FHL2: variants seen among roughly 807,000 people sequenced by gnomAD.
FHL2 encodes four and a half LIM domains 2, also known as four and a half LIM domains protein 2.
In FHL2, 20 loss-of-function variants were observed where a neutral mutation model predicts 32.7. The ratio of observed to expected loss-of-function variants is 0.61; its 90% confidence interval spans 0.43 to 0.89. The LOEUF (loss-of-function observed/expected upper bound fraction) is 0.89, where lower values mean the gene tolerates loss of function less well. FHL2 is among the 40% of genes least tolerant of loss of function. The pLI is 0.00. For synonymous variants in FHL2, 123 were observed against 128.1 expected, an observed-to-expected ratio of 0.96 and a Z score of 0.27; for missense variants, 311 against 358.6, an observed-to-expected ratio of 0.87 and a Z score of 1.07.
intron 1 of FHL2, among the ~76,000 whole-genome samples, chr2:105,419,658 C>T (rs553119913): frequency 6.6e-6 from 1 of 152,108 alleles, no homozygotes; most frequent in Non-Finnish European, 1.5e-5. Context: ...TTGCTTTTTG[C>T]TTGTTTTGTT....
intron 3 of FHL2, among the ~76,000 whole-genome samples, chr2:105,384,876 C>G (rs926027223): frequency 6.6e-6 from 1 of 152,170 alleles, no homozygotes; most frequent in African/African-American, 2.4e-5. Context: ...CAAGGCCACA[C>G]AGCAAGTGAG....
chr2:105,363,273 C>A lies in FHL2; in HGVS notation c.688+12G>T, dbSNP rs2278502. 0.37 allele frequency: 590,984 copies of A among 1,611,904 alleles called. 111,765 individuals are homozygous for A. Among genetic ancestry groups the A allele is most frequent in the Non-Finnish European group, 0.39 (460,332 of 1,178,418 alleles). Reference sequence around the variant, plus strand: ...CAATCGCCCCTGGAAATGGGAACCCCGGGACACTCACCGCTGATGGGGTTG... The same window carrying A: ...CAATCGCCCCTGGAAATGGGAACCCAGGGACACTCACCGCTGATGGGGTTG... On this transcript the variant is annotated intron_variant, in intron 6 of 6. Coordinates refer to ENST00000530340, the MANE Select transcript of FHL2 (RefSeq NM_001318895.3).
chr2:105,383,613 C>A (rs1432169848), intron 3 of FHL2, among the ~76,000 whole-genome samples: 2 of 152,204 alleles, frequency 1.3e-5, no homozygotes, highest in African/African-American at 4.8e-5. Flanking sequence ...AGGGAAGTAG[C>A]TGAGGCCTGT....
At chr2:105,423,685 C>T (rs1202245256) in intron 1 of FHL2, among the ~76,000 whole-genome samples, 1 of 152,138 alleles carries the variant, frequency 6.6e-6, no homozygotes, top group African/African-American at 2.4e-5. Context: ...GATATATAGA[C>T]CAGTGGAACA....
intron 3 of FHL2, among the ~76,000 whole-genome samples, chr2:105,382,370 G>A (rs1415804883): frequency 1.3e-5 from 2 of 152,198 alleles, no homozygotes; most frequent in African/African-American, 4.8e-5. Context: ...GGTCCTGCCC[G>A]AGGCTGCAGG....
chr2:105,421,506 A>G (rs1245040632), intron 1 of FHL2, among the ~76,000 whole-genome samples: 1 of 152,246 alleles, frequency 6.6e-6, no homozygotes, highest in Non-Finnish European at 1.5e-5. Context: ...AAATGCTATC[A>G]GGATGATGAA....
At chr2:105,408,184 G>A (rs1219331577) in intron 1 of FHL2, among the ~76,000 whole-genome samples, 1 of 152,222 alleles carries the variant, frequency 6.6e-6, no homozygotes, top group Non-Finnish European at 1.5e-5. Context: ...GCAGCCGGCA[G>A]AGATGGCCCA....
intron 1 of FHL2, among the ~76,000 whole-genome samples, chr2:105,408,917 TC>T: frequency 6.6e-6 from 1 of 152,140 alleles, no homozygotes; most frequent in Non-Finnish European, 1.5e-5. Flanking sequence ...GGACCCTACA[TC>T]CAACGTGATG....
chr2:105,434,085 C>T (rs953322199), intron 1 of FHL2, among the ~76,000 whole-genome samples: 3 of 152,200 alleles, frequency 2.0e-5, no homozygotes, highest in Non-Finnish European at 2.9e-5. Flanking sequence ...CTGCTAATTT[C>T]TCCTTTCCTT....
intron 1 of FHL2, among the ~76,000 whole-genome samples, chr2:105,438,096 G>A (rs1292529992): frequency 6.6e-6 from 1 of 152,168 alleles, no homozygotes; most frequent in Non-Finnish European, 1.5e-5. Flanking sequence ...GGGGGCAGAG[G>A]TTCAATTTTA....
At chr2:105,366,981 G>A (rs1680680207) in intron 5 of FHL2, among the ~76,000 whole-genome samples, 3 of 152,150 alleles carry the variant, frequency 2.0e-5, no homozygotes, top group Admixed American at 2.0e-4. Context: ...CCTGACCTAA[G>A]GTAATCCACC....
chr2:105,380,286 C>G (rs1208390014), intron 3 of FHL2, among the ~76,000 whole-genome samples: 1 of 152,130 alleles, frequency 6.6e-6, no homozygotes, highest in African/African-American at 2.4e-5. Context: ...TGATTAGACC[C>G]GGGTGCCTGA....
At chr2:105,373,227 G>A (rs1681221892) in intron 4 of FHL2, among the ~76,000 whole-genome samples, 1 of 152,212 alleles carries the variant, frequency 6.6e-6, no homozygotes, top group Non-Finnish European at 1.5e-5. Context: ...AGGTAGAAGG[G>A]AAGAAAAGAG....
chr2:105,433,476 C>A (rs1161081594), intron 1 of FHL2, among the ~76,000 whole-genome samples: 1 of 152,206 alleles, frequency 6.6e-6, no homozygotes. Flanking sequence ...GCCACCGCGC[C>A]CGGCTTCATT....
chr2:105,363,780 A>G (rs1327028155), intron 5 of FHL2, among the ~76,000 whole-genome samples: 1 of 152,186 alleles, frequency 6.6e-6, no homozygotes, highest in East Asian at 1.9e-4. Context: ...TGAGCAGGGA[A>G]GCAGCACAGT....
intron 1 of FHL2, among the ~76,000 whole-genome samples, chr2:105,431,092 G>C (rs977473356): frequency 6.6e-6 from 1 of 152,140 alleles, no homozygotes; most frequent in African/African-American, 2.4e-5. Flanking sequence ...CCTTATGATG[G>C]GGAGGAAGAG....
At chr2:105,374,015 T>A in intron 3 of FHL2, 1 of 453,522 alleles carries the variant, frequency 2.2e-6, no homozygotes, top group Non-Finnish European at 4.0e-6. Flanking sequence ...GGGATTTCCC[T>A]TATGTATTGC....
chr2:105,371,460 T>G (rs1346231130), intron 4 of FHL2, among the ~76,000 whole-genome samples: 8 of 151,994 alleles, frequency 5.3e-5, no homozygotes, highest in Admixed American at 5.2e-4. Flanking sequence ...TGCAGTATCA[T>G]CTCTTCCCTG....
upstream of FHL2, chr2:105,399,255 T>G: frequency 6.5e-7 from 1 of 1,535,558 alleles, no homozygotes; most frequent in Non-Finnish European, 8.7e-7. Context: ...CTTCGTGCCC[T>G]CCGGGTCTTG....
Sources: allele counts gnomAD v4.1 joint callset (sites outside exome capture counted in the v4.1 genomes callset), GRCh38; gene constraint gnomAD v4.1.1; transcripts MANE v1.5; gene names NCBI Gene and HGNC (gene_info 2026-07-23, HGNC 2026-07-21).